TRAF5: variants seen among roughly 807,000 people sequenced by gnomAD.
TRAF5 encodes TNF receptor associated factor 5, also known as TNF receptor-associated factor 5.
A neutral mutation model predicts 64.5 loss-of-function variants in TRAF5; 48 were observed. The ratio of observed to expected loss-of-function variants is 0.74; its 90% CI spans 0.59 to 0.95. The LOEUF is 0.95. TRAF5 is among the 40% of genes least tolerant of loss of function. TRAF5 has a pLI of 0.00. For synonymous variants in TRAF5, 206 were observed against 240.5 expected, an observed-to-expected ratio of 0.86 and a Z score of 1.33; for missense variants, 545 against 662.8, an observed-to-expected ratio of 0.82 and a Z score of 1.95.
intron 1 of TRAF5, among the ~76,000 whole-genome samples, chr1:211,328,889 G>T (rs1394952281): frequency 6.6e-6 from 1 of 152,216 alleles, no homozygotes; most frequent in Admixed American, 6.5e-5. Context: ...CTCAGATTGT[G>T]AGGGTGAAGC....
chr1:211,353,260 T>G lies in TRAF5; in HGVS notation c.21T>G (p.His7Gln). The G allele has an allele frequency of 6.2e-7, 1 of 1,614,264 alleles. No individual in the cohort carries two copies. Among genetic ancestry groups the G allele is most frequent in the Non-Finnish European group, 8.5e-7 (1 of 1,180,046 alleles). Residue 7 changes from histidine (H) to glutamine (Q), a missense_variant, in exon 2 of 11, where the codon CAT (histidine) becomes CAG (glutamine). Physicochemically the swap from His to Gln is conservative, Grantham distance 24. Coordinates refer to ENST00000261464, the MANE Select transcript of TRAF5 (RefSeq NM_001033910.3). Reference protein sequence around the residue: MAYSEEHKGMPCGFIRQ... With the variant: MAYSEEQKGMPCGFIRQ... ...GCAGAATGGCTTATTCAGAAGAGCA[T>G]AAAGGTATGCCCTGTGGTTTCATCC... is the stretch of plus-strand genomic sequence containing the variant.
intron 7 of TRAF5, among the ~76,000 whole-genome samples, chr1:211,362,687 A>T (rs781027111): frequency 8.5e-5 from 13 of 152,174 alleles, no homozygotes; most frequent in Non-Finnish European, 1.9e-4. Context: ...CAAAATAAAC[A>T]AACGAAAAAA....
intron 1 of TRAF5, among the ~76,000 whole-genome samples, chr1:211,332,117 G>C (rs1209340560): frequency 1.3e-5 from 2 of 152,234 alleles, no homozygotes; most frequent in Admixed American, 1.3e-4. Flanking sequence ...GGGCCAGGCA[G>C]CCTCAGAGGC....
At chr1:211,334,280 G>T (rs962782127) in intron 1 of TRAF5, among the ~76,000 whole-genome samples, 6 of 152,302 alleles carry the variant, frequency 3.9e-5, no homozygotes, top group African/African-American at 1.4e-4. Flanking sequence ...AGTGCCCAAG[G>T]TTTTTACTAA....
intron 1 of TRAF5, among the ~76,000 whole-genome samples, chr1:211,348,021 C>A (rs979321549): frequency 6.6e-6 from 1 of 152,180 alleles, no homozygotes; most frequent in Admixed American, 6.5e-5. Context: ...CTTGGGGCTC[C>A]CTGACACACT....
chr1:211,331,266 T>C (rs1321639791), intron 1 of TRAF5, among the ~76,000 whole-genome samples: 1 of 152,192 alleles, frequency 6.6e-6, no homozygotes, highest in Non-Finnish European at 1.5e-5. Context: ...CTTTAATACA[T>C]AGCCTAGTCA....
chr1:211,350,154 G>T (rs1400059922), intron 1 of TRAF5, among the ~76,000 whole-genome samples: 4 of 151,130 alleles, frequency 2.6e-5, no homozygotes, highest in Non-Finnish European at 5.9e-5. Context: ...TTGAAGTTTT[G>T]CAGGAAACAC....
intron 1 of TRAF5, among the ~76,000 whole-genome samples, chr1:211,337,926 TG>T (rs2102717753): frequency 6.6e-6 from 1 of 152,274 alleles, no homozygotes; most frequent in East Asian, 1.9e-4. Context: ...GGAGTGTGTC[TG>T]GGGCTCAGGG....
chr1:211,335,326 C>T (rs968937059), intron 1 of TRAF5, among the ~76,000 whole-genome samples: 5 of 152,186 alleles, frequency 3.3e-5, no homozygotes, highest in Admixed American at 1.3e-4. Context: ...CAAACGTGGG[C>T]TGCTGTGTGA....
intron 1 of TRAF5, among the ~76,000 whole-genome samples, chr1:211,336,978 C>T (rs886707838): frequency 5.3e-5 from 8 of 151,980 alleles, no homozygotes; most frequent in South Asian, 4.2e-4. Context: ...CTGATCCGCT[C>T]GCCTCGGCCT....
At chr1:211,343,990 T>C (rs1222846849) in intron 1 of TRAF5, among the ~76,000 whole-genome samples, 3 of 152,202 alleles carry the variant, frequency 2.0e-5, no homozygotes, top group Non-Finnish European at 4.4e-5. Context: ...GCTTTCTTTG[T>C]TATTTTTTCC....
intron 1 of TRAF5, among the ~76,000 whole-genome samples, chr1:211,351,640 G>C (rs1572072126): frequency 1.3e-5 from 2 of 152,004 alleles, no homozygotes; most frequent in East Asian, 3.9e-4. Flanking sequence ...GTTCATTTTT[G>C]TGAAGGGTGT....
At chr1:211,353,721 A>G in intron 2 of TRAF5, 1 of 479,290 alleles carries the variant, frequency 2.1e-6, no homozygotes. Context: ...CACACACTCC[A>G]TCATGGGAGC....
intron 7 of TRAF5, among the ~76,000 whole-genome samples, 193 bp from the exon 8 acceptor site, chr1:211,365,183 A>G (rs892322238): frequency 6.6e-6 from 1 of 152,058 alleles, no homozygotes; most frequent in Non-Finnish European, 1.5e-5. Flanking sequence ...AAAAAAACAA[A>G]CAAAAACAAA....
At chr1:211,331,193 C>A (rs557910444) in intron 1 of TRAF5, among the ~76,000 whole-genome samples, 1 of 152,318 alleles carries the variant, frequency 6.6e-6, no homozygotes, top group Admixed American at 6.5e-5. Context: ...AGCATTGACT[C>A]ATTTTCCTGC....
At chr1:211,335,895 GA>G (rs1202234714) in intron 1 of TRAF5, among the ~76,000 whole-genome samples, 10 of 152,212 alleles carry the variant, frequency 6.6e-5, no homozygotes, top group Non-Finnish European at 7.4e-5. Flanking sequence ...CCCTGGCAGG[GA>G]AGGGGCAGAG....
rs150109587 is a variant in TRAF5, at chr1:211,367,778, G to A, written c.790-1674G>A. On this transcript the variant is annotated intron_variant, in intron 8 of 10. Coordinates refer to ENST00000261464, the MANE Select transcript of TRAF5 (RefSeq NM_001033910.3). ...CTAGGGGTCTAAATAAAGGATTCCA[G>A]GGCCAGAGATCAAATGATTGTCTCA... Among the ~76,000 whole-genome samples the A allele has an allele frequency of 3.2e-4, 48 of 152,282 alleles. 2 individuals are homozygous for A. The East Asian group carries it at 8.3e-3, about 26-fold the overall frequency.
intron 1 of TRAF5, among the ~76,000 whole-genome samples, chr1:211,339,339 GA>G (rs1289677093): frequency 6.6e-6 from 1 of 152,140 alleles, no homozygotes; most frequent in Admixed American, 6.6e-5. Flanking sequence ...GATCTCCTAG[GA>G]CTAACCAGAA....
chr1:211,351,505 G>A (rs1572071945), intron 1 of TRAF5, among the ~76,000 whole-genome samples: 1 of 151,994 alleles, frequency 6.6e-6, no homozygotes, highest in Admixed American at 6.6e-5. Flanking sequence ...GATAGATACT[G>A]TGAGTAATAT....
Sources: gnomAD v4.1 joint callset for allele counts (sites outside exome capture counted in the v4.1 genomes callset) on GRCh38, gnomAD v4.1.1 for gene constraint, MANE v1.5 for transcripts, NCBI Gene and HGNC (gene_info 2026-07-23, HGNC 2026-07-21) for gene names.